The following DLC1 variants were observed in gnomAD, a reference collection of about 807,000 sequenced individuals.
DLC1 encodes DLC1 Rho GTPase activating protein, also known as rho GTPase-activating protein 7.
DLC1 carries 54 observed loss-of-function variants against 140.3 expected under a neutral mutation model. The observed-to-expected ratio is 0.38, with a 90% CI of 0.31 to 0.48. The LOEUF is 0.48. Among genes scored for constraint, DLC1 ranks in the 20% least tolerant of loss-of-function variants. DLC1 has a pLI of 0.96. For synonymous variants in DLC1, 986 were observed against 728.1 expected (o/e 1.35, Z -5.70); for missense variants, 2,536 against 1,907.0 (o/e 1.33, Z -6.14).
At chr8:13,385,066 G>C (rs943597798) in intron 4 of DLC1, among the ~76,000 whole-genome samples, 4 of 152,154 alleles carry the variant, frequency 2.6e-5, no homozygotes, top group African/African-American at 9.7e-5. Flanking sequence ...GCTTGGCTGG[G>C]ACAGGCAGAG....
intron 5 of DLC1, among the ~76,000 whole-genome samples, chr8:13,241,920 G>A (rs1272446625): frequency 6.6e-6 from 1 of 152,016 alleles, no homozygotes; most frequent in African/African-American, 2.4e-5. Context: ...ACTCAGATCT[G>A]CCCATTTGGC....
At chr8:13,551,042 C>A (rs963646761) in intron 1 of DLC1, among the ~76,000 whole-genome samples, 11 of 59,976 alleles carry the variant, frequency 1.8e-4, no homozygotes, top group African/African-American at 4.5e-4. Flanking sequence ...CCTCAGATTT[C>A]TTTAAACACA....
chr8:13,219,246 C>A (rs1209551724), intron 5 of DLC1, among the ~76,000 whole-genome samples: 5 of 131,702 alleles, frequency 3.8e-5, no homozygotes, highest in East Asian at 2.2e-4. Flanking sequence ...TAATGATATT[C>A]TTGAATATGA....
At chr8:13,310,336 G>A (rs1259406181) in intron 4 of DLC1, among the ~76,000 whole-genome samples, 8 of 151,422 alleles carry the variant, frequency 5.3e-5, no homozygotes, top group East Asian at 1.9e-4. Flanking sequence ...TTAATTCAGA[G>A]AAAAATCAGT....
chr8:13,246,375 T>A (rs113805981), intron 5 of DLC1, among the ~76,000 whole-genome samples: 175 of 152,316 alleles, frequency 1.1e-3, no homozygotes, highest in African/African-American at 3.8e-3. Context: ...AAAAGAAAAT[T>A]AGGCATTAAG....
At chr8:13,221,601 C>CAG (rs1828551367) in intron 5 of DLC1, among the ~76,000 whole-genome samples, 1 of 150,440 alleles carries the variant, frequency 6.6e-6, no homozygotes, top group South Asian at 2.1e-4. Context: ...GAACCCCTGA[C>CAG]CTCAAGTGAT....
At chr8:13,373,514 T>C (rs912499248) in intron 4 of DLC1, among the ~76,000 whole-genome samples, 2 of 152,178 alleles carry the variant, frequency 1.3e-5, no homozygotes, top group Non-Finnish European at 2.9e-5. Flanking sequence ...TGTGTCTGTT[T>C]AATACACCCT....
At chr8:13,272,812 T>C (rs1361633350) in intron 5 of DLC1, among the ~76,000 whole-genome samples, 3 of 152,088 alleles carry the variant, frequency 2.0e-5, no homozygotes, top group Non-Finnish European at 4.4e-5. Flanking sequence ...AGGCAGAGCT[T>C]AAAGTGAGCC....
intron 4 of DLC1, among the ~76,000 whole-genome samples, chr8:13,361,902 G>A (rs182435369): frequency 7.2e-5 from 11 of 152,314 alleles, no homozygotes; most frequent in Admixed American, 2.6e-4. Flanking sequence ...GGGCTAAATA[G>A]TGATCTGAAT....
At chr8:13,422,578 G>T (rs1441302090) in intron 2 of DLC1, among the ~76,000 whole-genome samples, 1 of 152,140 alleles carries the variant, frequency 6.6e-6, no homozygotes, top group Non-Finnish European at 1.5e-5. Flanking sequence ...TGTTGTGCCA[G>T]TGTAAGTCTC....
Position 13,405,204 on chromosome 8 carries a change from T to C in DLC1, c.1024-3585A>G, listed in dbSNP as rs896800615. Among the ~76,000 whole-genome samples, 6 of 152,162 alleles carry C rather than the reference T, an allele frequency of 3.9e-5. No homozygotes were observed. The South Asian group carries it at 1.0e-3, about 26-fold the overall frequency. On this transcript the variant is annotated intron_variant, in intron 2 of 17. Transcript: ENST00000276297. ...GCAGGCTTGTTACATGGGTATGTTG[T>C]GTGATGCTGAGGTCTGGGGTATGAC...
chr8:13,360,418 G>T (rs967583317), intron 4 of DLC1, among the ~76,000 whole-genome samples: 1 of 152,138 alleles, frequency 6.6e-6, no homozygotes, highest in Non-Finnish European at 1.5e-5. Flanking sequence ...TGTAGCCAGG[G>T]TTGCAAACCA....
At chr8:13,409,059 T>C (rs2117287920) in intron 2 of DLC1, among the ~76,000 whole-genome samples, 1 of 152,232 alleles carries the variant, frequency 6.6e-6, no homozygotes, top group Middle Eastern at 3.4e-3. Context: ...TGTCTACTTT[T>C]CTACCGGCAC....
At chr8:13,393,035 T>C (rs1323205895) in intron 4 of DLC1, among the ~76,000 whole-genome samples, 1 of 152,178 alleles carries the variant, frequency 6.6e-6, no homozygotes, top group Admixed American at 6.6e-5. Context: ...TGTCTGTCTA[T>C]ATCAATCTAA....
intron 1 of DLC1, among the ~76,000 whole-genome samples, chr8:13,598,803 A>G (rs1805767206): frequency 6.6e-6 from 1 of 152,040 alleles, no homozygotes; most frequent in Non-Finnish European, 1.5e-5. Context: ...ATATTGTTAC[A>G]CCAACTCTGC....
At chr8:13,423,678 T>C (rs1186689292) in intron 2 of DLC1, among the ~76,000 whole-genome samples, 1 of 152,190 alleles carries the variant, frequency 6.6e-6, no homozygotes, top group African/African-American at 2.4e-5. Flanking sequence ...TTGCTGAATT[T>C]GATAAAATTC....
At chr8:13,502,006 G>A (rs12679891) in intron 1 of DLC1, among the ~76,000 whole-genome samples, 9 of 152,108 alleles carry the variant, frequency 5.9e-5, no homozygotes. Flanking sequence ...GTGGTATTAC[G>A]ATGTCACTCC....
intron 2 of DLC1, among the ~76,000 whole-genome samples, chr8:13,480,260 T>C (rs1800662638): frequency 6.6e-6 from 1 of 152,028 alleles, no homozygotes; most frequent in South Asian, 2.1e-4. Flanking sequence ...CATAAAAGCT[T>C]AAAAATATAT....
intron 2 of DLC1, among the ~76,000 whole-genome samples, chr8:13,416,893 T>C (rs1838089846): frequency 6.6e-6 from 1 of 152,152 alleles, no homozygotes. Flanking sequence ...AAACTTTTTT[T>C]TTTCACTACC....
Sources: allele counts gnomAD v4.1 joint callset (sites outside exome capture counted in the v4.1 genomes callset), GRCh38; gene constraint gnomAD v4.1.1; transcripts MANE v1.5; gene names NCBI Gene and HGNC (gene_info 2026-07-23, HGNC 2026-07-21).